The following PTPRD variants were observed in gnomAD, a reference collection of about 807,000 sequenced individuals.
PTPRD encodes receptor-type tyrosine-protein phosphatase delta.
In PTPRD, 34 loss-of-function variants were observed where a neutral mutation model predicts 214.5. That is an observed-to-expected ratio of 0.16 (90% CI 0.12 to 0.21). PTPRD has a LOEUF of 0.21. Among genes scored for constraint, PTPRD ranks in the 10% least tolerant of loss-of-function variants. The pLI is 1.00. For synonymous variants in PTPRD, 1,128 were observed against 845.7 expected, an observed-to-expected ratio of 1.33 and a Z score of -5.79; for missense variants, 2,545 against 2,398.7, an observed-to-expected ratio of 1.06 and a Z score of -1.27.
At chr9:8,322,375 A>G (rs1287557926) in intron 44 of PTPRD, among the ~76,000 whole-genome samples, 4 of 152,214 alleles carry the variant, frequency 2.6e-5, no homozygotes. Flanking sequence ...AAAGTTCCTG[A>G]AGGAAATTAA....
intron 8 of PTPRD, among the ~76,000 whole-genome samples, chr9:9,397,932 G>C (rs1369125241): frequency 2.0e-5 from 3 of 151,856 alleles, no homozygotes; most frequent in Non-Finnish European, 4.4e-5. Context: ...ACAAACTAAA[G>C]TGTTTAGCAT....
intron 10 of PTPRD, among the ~76,000 whole-genome samples, chr9:9,068,419 T>C (rs2099738483): frequency 6.6e-6 from 1 of 152,206 alleles, no homozygotes; most frequent in Non-Finnish European, 1.5e-5. Flanking sequence ...AAGAAACTGA[T>C]GCTTCTTTGA....
chr9:10,526,089 C>G (rs1365691067), intron 2 of PTPRD, among the ~76,000 whole-genome samples: 6 of 152,058 alleles, frequency 3.9e-5, no homozygotes, highest in African/African-American at 1.4e-4. Flanking sequence ...TTAGAACATT[C>G]CTGCTGTCAT....
chr9:9,275,782 T>G (rs1340611109), intron 9 of PTPRD, among the ~76,000 whole-genome samples: 7 of 151,216 alleles, frequency 4.6e-5, no homozygotes, highest in Non-Finnish European at 3.0e-5. Context: ...TCCCTCCCTT[T>G]AGAACAAGTT....
intron 36 of PTPRD, among the ~76,000 whole-genome samples, chr9:8,403,831 T>C (rs2092697956): frequency 6.6e-6 from 1 of 152,224 alleles, no homozygotes; most frequent in Admixed American, 6.5e-5. Flanking sequence ...GATATCCAGA[T>C]TTATTTACAA....
chr9:8,585,566 C>A (rs577127347), intron 14 of PTPRD, among the ~76,000 whole-genome samples: 1 of 152,298 alleles, frequency 6.6e-6, no homozygotes, highest in Admixed American at 6.5e-5. Context: ...ATGAACATGA[C>A]AACTCTGTAC....
intron 26 of PTPRD, among the ~76,000 whole-genome samples, chr9:8,493,388 C>T (rs1490386649): frequency 6.6e-6 from 1 of 152,164 alleles, no homozygotes; most frequent in Non-Finnish European, 1.5e-5. Context: ...CAGAACTATG[C>T]CTGGCTTATA....
intron 2 of PTPRD, among the ~76,000 whole-genome samples, chr9:10,509,766 C>T (rs1307637624): frequency 6.6e-6 from 1 of 151,092 alleles, no homozygotes; most frequent in African/African-American, 2.4e-5. Flanking sequence ...TACTATGTTC[C>T]TTGTTATTAG....
At chr9:9,909,455 G>T (rs1455017736) in intron 5 of PTPRD, among the ~76,000 whole-genome samples, 2 of 123,626 alleles carry the variant, frequency 1.6e-5, no homozygotes, top group Non-Finnish European at 3.3e-5. Context: ...TATTAAAAAT[G>T]ACAGTTGAAA....
chr9:8,819,944 C>G (rs1221590859), intron 11 of PTPRD, among the ~76,000 whole-genome samples: 1 of 152,084 alleles, frequency 6.6e-6, no homozygotes, highest in Non-Finnish European at 1.5e-5. Context: ...AAAAGTATGA[C>G]ATCCCCTGAC....
rs182651024 is a variant in PTPRD at position 10,090,257 on chromosome 9, T to A, written c.-544-56467A>T. On this transcript the variant is annotated intron_variant, in intron 3 of 45. Transcript: ENST00000381196. ...ATCTAAATTTGACTGACTTATGATT[T>A]AGTGTTTATTCATTCTACTATCAAG... 6.9e-4 allele frequency among the ~76,000 whole-genome samples: 104 copies of A among 151,824 alleles called. 1 individual carries two copies. The highest frequency in any genetic ancestry group is 2.4e-3 in the African/African-American group (100 of 41,500).
intron 7 of PTPRD, among the ~76,000 whole-genome samples, chr9:9,580,204 C>A (rs1275353407): frequency 6.6e-6 from 1 of 152,044 alleles, no homozygotes; most frequent in Admixed American, 6.6e-5. Context: ...ACAATGATTT[C>A]TTTTCCTTCG....
chr9:9,242,398 C>T (rs2099970799), intron 9 of PTPRD, among the ~76,000 whole-genome samples: 1 of 152,124 alleles, frequency 6.6e-6, no homozygotes, highest in Non-Finnish European at 1.5e-5. Context: ...ACCTGCCTTG[C>T]TAGATTGGGG....
At chr9:8,888,114 C>A (rs776412468) in intron 11 of PTPRD, among the ~76,000 whole-genome samples, 3 of 152,116 alleles carry the variant, frequency 2.0e-5, no homozygotes, top group Non-Finnish European at 4.4e-5. Context: ...TTTCCTTTTG[C>A]TTTCGTTAAA....
At chr9:8,740,307 T>A (rs74849844) in intron 11 of PTPRD, among the ~76,000 whole-genome samples, 1 of 152,314 alleles carries the variant, frequency 6.6e-6, no homozygotes, top group Non-Finnish European at 1.5e-5. Flanking sequence ...TCATACTTCA[T>A]TGTATTTCTC....
chr9:9,958,335 G>T (rs1011800258), intron 4 of PTPRD, among the ~76,000 whole-genome samples: 12 of 152,124 alleles, frequency 7.9e-5, no homozygotes, highest in African/African-American at 2.7e-4. Context: ...TTCAAGGCCA[G>T]CCTGACCAAC....
At chr9:8,895,533 A>G (rs1355378537) in intron 11 of PTPRD, among the ~76,000 whole-genome samples, 1 of 152,212 alleles carries the variant, frequency 6.6e-6, no homozygotes, top group East Asian at 1.9e-4. Flanking sequence ...GAAGTCCAAC[A>G]GACTTCAACT....
chr9:9,845,174 A>AC (rs1263509277), intron 5 of PTPRD, among the ~76,000 whole-genome samples: 4 of 88,534 alleles, frequency 4.5e-5, no homozygotes, highest in Admixed American at 1.1e-4. Context: ...CAATATATAT[A>AC]TATATATTGC....
At chr9:9,690,783 G>A (rs2097255633) in intron 7 of PTPRD, among the ~76,000 whole-genome samples, 1 of 151,686 alleles carries the variant, frequency 6.6e-6, no homozygotes, top group Non-Finnish European at 1.5e-5. Flanking sequence ...GTAAATGTGT[G>A]GACTTATTTC....
Sources: gnomAD v4.1 joint callset for allele counts (sites outside exome capture counted in the v4.1 genomes callset) on GRCh38, gnomAD v4.1.1 for gene constraint, MANE v1.5 for transcripts, NCBI Gene and HGNC (gene_info 2026-07-23, HGNC 2026-07-21) for gene names.